DACH1: variants seen among roughly 807,000 people sequenced by gnomAD.
The protein encoded by DACH1 is dachshund homolog 1.
Under a neutral mutation model 54.2 loss-of-function variants are expected in DACH1, and 12 were observed. That is an observed-to-expected ratio of 0.22 (90% CI 0.14 to 0.36). The LOEUF (loss-of-function observed/expected upper bound fraction) is 0.36, where lower values mean the gene tolerates loss of function less well. Among genes scored for constraint, DACH1 ranks in the 10% least tolerant of loss-of-function variants. The probability of loss-of-function intolerance (pLI) is 1.00; values close to 1 mark genes in which losing one functional copy is unlikely to be tolerated. For synonymous variants in DACH1, 386 were observed against 366.2 expected, an observed-to-expected ratio of 1.05 and a Z score of -0.62; for missense variants, 805 against 929.8, an observed-to-expected ratio of 0.87 and a Z score of 1.75.
At chr13:71,668,555 AAG>A (rs752003517) in intron 2 of DACH1, among the ~76,000 whole-genome samples, 2 of 152,110 alleles carry the variant, frequency 1.3e-5, no homozygotes, top group Non-Finnish European at 2.9e-5. Flanking sequence ...TCAATGACAT[AAG>A]AGAACTGTAT....
chr13:71,860,647 G>A (rs1594313210), intron 1 of DACH1, among the ~76,000 whole-genome samples: 2 of 151,962 alleles, frequency 1.3e-5, no homozygotes, highest in South Asian at 4.1e-4. Flanking sequence ...AGGATTCAAA[G>A]GGAGACAGTT....
intron 3 of DACH1, among the ~76,000 whole-genome samples, chr13:71,591,919 A>T (rs1268226951): frequency 6.6e-6 from 1 of 152,176 alleles, no homozygotes. Context: ...GCCAAACAAC[A>T]GAATCCAAAA....
intron 10 of DACH1, among the ~76,000 whole-genome samples, chr13:71,444,529 A>T (rs534827060): frequency 6.6e-5 from 10 of 152,296 alleles, no homozygotes; most frequent in African/African-American, 2.4e-4. Context: ...ATAAAAAGTA[A>T]TAATTTGCTC....
At chr13:71,619,753 A>G (rs563808863) in intron 3 of DACH1, among the ~76,000 whole-genome samples, 2 of 152,092 alleles carry the variant, frequency 1.3e-5, no homozygotes, top group Admixed American at 1.3e-4. Flanking sequence ...GGGTTTGTGT[A>G]TGAGTGTCTA....
At chr13:71,624,169 T>C (rs974245784) in intron 3 of DACH1, among the ~76,000 whole-genome samples, 1 of 151,876 alleles carries the variant, frequency 6.6e-6, no homozygotes, top group Admixed American at 6.6e-5. Flanking sequence ...GTAAGCAATT[T>C]TGTGTAAAAA....
chr13:71,489,958 T>C (rs879825205), intron 6 of DACH1, among the ~76,000 whole-genome samples: 10 of 152,154 alleles, frequency 6.6e-5, no homozygotes, highest in Non-Finnish European at 1.3e-4. Context: ...TCTTTTCACC[T>C]CTCACAGTGA....
chr13:71,529,401 G>T (rs1207161337), intron 6 of DACH1, among the ~76,000 whole-genome samples: 1 of 151,856 alleles, frequency 6.6e-6, no homozygotes, highest in Non-Finnish European at 1.5e-5. Flanking sequence ...TAGCAACGAT[G>T]GTCTCCATCT....
At chr13:71,491,542 G>A (rs1349637674) in intron 6 of DACH1, among the ~76,000 whole-genome samples, 1 of 152,128 alleles carries the variant, frequency 6.6e-6, no homozygotes, top group East Asian at 1.9e-4. Context: ...ACATAGCGAA[G>A]AGACTACGTA....
intron 2 of DACH1, among the ~76,000 whole-genome samples, chr13:71,664,396 A>G (rs1879695897): frequency 6.6e-6 from 1 of 152,080 alleles, no homozygotes; most frequent in South Asian, 2.1e-4. Flanking sequence ...AAAGCAGAAT[A>G]ACTAAATACA....
At chr13:71,525,704 T>C (rs1039658395) in intron 6 of DACH1, among the ~76,000 whole-genome samples, 1 of 152,138 alleles carries the variant, frequency 6.6e-6, no homozygotes, top group Non-Finnish European at 1.5e-5. Context: ...AGATTTGTAT[T>C]TTATTATCTA....
rs772915060 is a variant in DACH1 at position 71,488,964 on chromosome 13, T to C, written c.1722+33A>G. ...AAAAAATCTACAACAGGGTGTTCCATATGTCTTTCTTCCAGGTTGTAAAAA... is the reference window on the plus strand; with the variant it reads ...AAAAAATCTACAACAGGGTGTTCCACATGTCTTTCTTCCAGGTTGTAAAAA... On this transcript the variant is annotated intron_variant, in intron 7 of 10. Transcript: ENST00000613252. 6.3e-6 allele frequency: 10 copies of C among 1,599,040 alleles called. No individual in the cohort carries two copies. In the Admixed American group the frequency reaches 1.7e-4, roughly 28 times the overall value.
intron 7 of DACH1, among the ~76,000 whole-genome samples, chr13:71,483,866 T>C (rs1452557504): frequency 6.6e-6 from 1 of 152,142 alleles, no homozygotes; most frequent in Non-Finnish European, 1.5e-5. Context: ...TACAGGTACA[T>C]AGCCTAGGAG....
At chr13:71,845,066 G>A (rs151196740) in intron 1 of DACH1, among the ~76,000 whole-genome samples, 7 of 152,192 alleles carry the variant, frequency 4.6e-5, no homozygotes, top group Middle Eastern at 3.4e-3. Context: ...GGTACCTATA[G>A]TTAATAATAT....
At chr13:71,701,404 G>A (rs1882131076) in intron 1 of DACH1, among the ~76,000 whole-genome samples, 1 of 152,050 alleles carries the variant, frequency 6.6e-6, no homozygotes, top group Non-Finnish European at 1.5e-5. Flanking sequence ...TAGTACTTTA[G>A]TAACCGTGTT....
At chr13:71,704,193 A>T in intron 1 of DACH1, 1 of 228,938 alleles carries the variant, frequency 4.4e-6, no homozygotes. Flanking sequence ...GAGAAAAACA[A>T]AGGGAAAGAA....
chr13:71,723,653 C>A (rs1201404518), intron 1 of DACH1, among the ~76,000 whole-genome samples: 5 of 152,162 alleles, frequency 3.3e-5, no homozygotes, highest in African/African-American at 9.6e-5. Context: ...TGTTTCTTAA[C>A]AAATTAAATG....
chr13:71,498,729 A>G (rs1225160823), intron 6 of DACH1, among the ~76,000 whole-genome samples: 1 of 152,048 alleles, frequency 6.6e-6, no homozygotes, highest in Non-Finnish European at 1.5e-5. Flanking sequence ...GAGGGAGGTC[A>G]AGAGGTTGTA....
intron 2 of DACH1, among the ~76,000 whole-genome samples, chr13:71,669,214 A>C (rs1379731557): frequency 6.6e-6 from 1 of 152,114 alleles, no homozygotes. Context: ...TTGACCTGTT[A>C]GGACCTGGGC....
At chr13:71,703,329 A>T (rs1222128671) in intron 1 of DACH1, among the ~76,000 whole-genome samples, 1 of 152,142 alleles carries the variant, frequency 6.6e-6, no homozygotes, top group Non-Finnish European at 1.5e-5. Context: ...AGCAGATGTG[A>T]CATATACCGT....
Sources: gnomAD v4.1 joint callset for allele counts (sites outside exome capture counted in the v4.1 genomes callset) on GRCh38, gnomAD v4.1.1 for gene constraint, MANE v1.5 for transcripts, NCBI Gene and HGNC (gene_info 2026-07-23, HGNC 2026-07-21) for gene names.